CSMD1: variants seen among roughly 807,000 people sequenced by gnomAD.
CSMD1 encodes the protein CUB and Sushi multiple domains 1, also known as CUB and sushi domain-containing protein 1.
In CSMD1, 213 loss-of-function variants were observed where a neutral mutation model predicts 417.5. The ratio of observed to expected loss-of-function variants is 0.51; its 90% CI spans 0.46 to 0.57. CSMD1 has a LOEUF of 0.57. Among genes scored for constraint, CSMD1 ranks in the 20% least tolerant of loss-of-function variants. CSMD1 has a pLI of 0.00. For synonymous variants in CSMD1, 2,862 were observed against 1,736.8 expected (o/e 1.65, Z -16.11); for missense variants, 6,923 against 4,529.7 (o/e 1.53, Z -15.17).
intron 3 of CSMD1, among the ~76,000 whole-genome samples, chr8:4,124,873 A>G (rs1802675170): frequency 6.6e-6 from 1 of 152,142 alleles, no homozygotes; most frequent in South Asian, 2.1e-4. Flanking sequence ...ATAGGACAGA[A>G]AAAGGAAAAG....
At chr8:3,391,755 G>A (rs1033039064) in intron 17 of CSMD1, among the ~76,000 whole-genome samples, 6 of 152,180 alleles carry the variant, frequency 3.9e-5, no homozygotes, top group East Asian at 3.9e-4. Flanking sequence ...AGTCAGCCTC[G>A]AGTACCTGTG....
At chr8:4,415,655 T>A (rs752010286) in intron 3 of CSMD1, among the ~76,000 whole-genome samples, 16 of 152,234 alleles carry the variant, frequency 1.1e-4, no homozygotes, top group Non-Finnish European at 1.5e-4. Flanking sequence ...TTCCTGTAAC[T>A]TAACTCAGTA....
At chr8:4,165,157 C>G (rs1165729404) in intron 3 of CSMD1, among the ~76,000 whole-genome samples, 1 of 152,152 alleles carries the variant, frequency 6.6e-6, no homozygotes, top group African/African-American at 2.4e-5. Flanking sequence ...GCCTCCACTG[C>G]TTAATATGAT....
chr8:3,395,975 C>T (rs540218255), intron 17 of CSMD1, among the ~76,000 whole-genome samples: 26 of 152,236 alleles, frequency 1.7e-4, no homozygotes, highest in African/African-American at 5.3e-4. Context: ...CTTTGTCATA[C>T]GCGATGGATA....
At chr8:4,113,213 T>C (rs1209505506) in intron 3 of CSMD1, among the ~76,000 whole-genome samples, 1 of 151,978 alleles carries the variant, frequency 6.6e-6, no homozygotes, top group Non-Finnish European at 1.5e-5. Context: ...CAGTTAAAAA[T>C]CCTACAGTGG....
intron 11 of CSMD1, among the ~76,000 whole-genome samples, chr8:3,476,168 C>A (rs773355426): frequency 9.9e-5 from 15 of 152,136 alleles, no homozygotes; most frequent in Non-Finnish European, 1.9e-4. Flanking sequence ...CATAGCGAGG[C>A]CTTGGCTCAA....
chr8:3,508,345 G>C (rs576072990), intron 10 of CSMD1, among the ~76,000 whole-genome samples: 2 of 151,180 alleles, frequency 1.3e-5, no homozygotes, highest in African/African-American at 4.9e-5. Flanking sequence ...CATCACACAC[G>C]GGGGCCTGTT....
rs1182634299 is a variant in CSMD1 at position 3,100,784 on chromosome 8, T to C, written c.6950-3747A>G. ...TAATAGCAGATGAGGATTAGTACTC[T>C]AGGATTAATAGCATAAATTGGGATT... On this transcript the variant is annotated intron_variant, in intron 46 of 69. Transcript: ENST00000635120. Among the ~76,000 whole-genome samples, 14 of 152,326 alleles carry C rather than the reference T, an allele frequency of 9.2e-5. No homozygotes were observed. The South Asian group carries it at 2.5e-3, about 27-fold the overall frequency.
At chr8:3,923,401 T>A (rs1212790530) in intron 5 of CSMD1, among the ~76,000 whole-genome samples, 1 of 152,042 alleles carries the variant, frequency 6.6e-6, no homozygotes, top group African/African-American at 2.4e-5. Context: ...ATCATTTGCT[T>A]ATTTTGTCAA....
chr8:4,271,159 T>A (rs774866156), intron 3 of CSMD1, among the ~76,000 whole-genome samples: 1 of 152,194 alleles, frequency 6.6e-6, no homozygotes, highest in African/African-American at 2.4e-5. Flanking sequence ...ACTACAGATA[T>A]CATTTGCATT....
At chr8:4,276,676 T>G (rs977584555) in intron 3 of CSMD1, among the ~76,000 whole-genome samples, 1 of 152,198 alleles carries the variant, frequency 6.6e-6, no homozygotes, top group Admixed American at 6.5e-5. Flanking sequence ...TGGTCATTGA[T>G]TCAGGAAACG....
rs1455304352 is a variant in CSMD1, at chr8:3,214,590, A to G, written c.4774T>C (p.Ser1592Pro). 1.5e-5 allele frequency: 24 copies of G among 1,573,834 alleles called. No individual in the cohort carries two copies. The highest frequency in any genetic ancestry group is 1.9e-5 in the Non-Finnish European group (22 of 1,158,794). ...LGSTITYQCD[S>P]GYKILDPSSI... ...GAGGGGTCAAGAATCTTATAGCCAG[A>G]GTCACACTGGTAGGTGATGGTGGAG... Residue 1592 changes from serine to proline, a missense_variant, in exon 30 of 70, where the codon TCT becomes CCT. Physicochemically the swap from Ser to Pro is moderately conservative, Grantham distance 74. Transcript: ENST00000635120.
At chr8:3,380,004 G>A (rs766266758) in intron 18 of CSMD1, among the ~76,000 whole-genome samples, 5 of 152,112 alleles carry the variant, frequency 3.3e-5, no homozygotes, top group Non-Finnish European at 5.9e-5. Context: ...TCTGACAAAG[G>A]GCTAATACCC....
chr8:3,127,365 G>A (rs1817564864), intron 41 of CSMD1: 1 of 152,160 alleles, frequency 6.6e-6, no homozygotes. Context: ...CCGTTGAAAG[G>A]AAAAGGAATG....
intron 4 of CSMD1, among the ~76,000 whole-genome samples, chr8:4,025,041 G>C (rs534471242): frequency 1.3e-5 from 2 of 152,204 alleles, no homozygotes; most frequent in South Asian, 4.1e-4. Flanking sequence ...TTAGGCAGCC[G>C]GGACAACATC....
intron 2 of CSMD1, among the ~76,000 whole-genome samples, chr8:4,629,976 C>G (rs1005923901): frequency 3.3e-5 from 5 of 152,090 alleles, no homozygotes; most frequent in Non-Finnish European, 7.4e-5. Context: ...TACTTTTCCA[C>G]ACACCTGTAT....
At chr8:4,524,065 G>A (rs2130415040) in intron 2 of CSMD1, among the ~76,000 whole-genome samples, 1 of 152,064 alleles carries the variant, frequency 6.6e-6, no homozygotes, top group African/African-American at 2.4e-5. Context: ...GTGTTTTTTA[G>A]AATGAACGAA....
At chr8:3,281,728 C>G (rs1802753425) in intron 26 of CSMD1, among the ~76,000 whole-genome samples, 1 of 152,178 alleles carries the variant, frequency 6.6e-6, no homozygotes, top group Non-Finnish European at 1.5e-5. Flanking sequence ...AGGGAAATGA[C>G]TGTTGGTGAT....
chr8:4,330,608 T>C (rs902744561), intron 3 of CSMD1, among the ~76,000 whole-genome samples: 4 of 147,582 alleles, frequency 2.7e-5, no homozygotes, highest in Non-Finnish European at 6.0e-5. Flanking sequence ...AAAAAGTATT[T>C]TGTAATAGCT....
Sources: gnomAD v4.1 joint callset for allele counts (sites outside exome capture counted in the v4.1 genomes callset) on GRCh38, gnomAD v4.1.1 for gene constraint, MANE v1.5 for transcripts, NCBI Gene and HGNC (gene_info 2026-07-23, HGNC 2026-07-21) for gene names.